ARMC9: variants seen among roughly 807,000 people sequenced by gnomAD.
The protein encoded by ARMC9 is lisH domain-containing protein ARMC9.
A neutral mutation model predicts 107.0 loss-of-function variants in ARMC9; 94 were observed. That is an observed-to-expected ratio of 0.88 (90% CI 0.74 to 1.04). The LOEUF (loss-of-function observed/expected upper bound fraction) is 1.04. Among genes scored for constraint, ARMC9 ranks in the 50% least tolerant of loss-of-function variants. The pLI, the probability that ARMC9 is intolerant of heterozygous loss-of-function variation, is 0.00. For synonymous variants in ARMC9, 380 were observed against 396.9 expected (o/e 0.96, Z 0.51); for missense variants, 942 against 1,030.1 (o/e 0.91, Z 1.17).
intron 19 of ARMC9, among the ~76,000 whole-genome samples, chr2:231,313,056 A>G (rs2042447823): frequency 6.6e-6 from 1 of 152,174 alleles, no homozygotes; most frequent in Non-Finnish European, 1.5e-5. Context: ...TCATTCTACC[A>G]GTTACTAAGA....
intron 19 of ARMC9, among the ~76,000 whole-genome samples, chr2:231,324,464 A>T (rs1248645742): frequency 6.6e-6 from 1 of 151,190 alleles, no homozygotes; most frequent in South Asian, 2.1e-4. Context: ...TAAAAAAAAA[A>T]AAAAAGGCCA....
rs13409406 is a variant in ARMC9 at position 231,277,451 on chromosome 2, A to G, written c.1474+676A>G. ...CTGGCTCAGGAGGACTTGTTGGAGC[A>G]TCTTCCCCTCTATATACTTTGTAGA... On this transcript the variant is annotated intron_variant, in intron 15 of 24. Coordinates refer to ENST00000611582, the MANE Select transcript of ARMC9 (RefSeq NM_001352754.2). 7.6e-3 allele frequency among the ~76,000 whole-genome samples: 1,159 copies of G among 152,140 alleles called. 20 individuals carry two copies. Among genetic ancestry groups the G allele is most frequent in the African/African-American group, 0.026 (1,097 of 41,490 alleles).
chr2:231,269,398 CTT>C (rs773618086), intron 12 of ARMC9, among the ~76,000 whole-genome samples: 6 of 112,398 alleles, frequency 5.3e-5, no homozygotes, highest in African/African-American at 1.2e-4. Flanking sequence ...TTTTCTTCTT[CTT>C]TTTTTTTTTT....
At chr2:231,338,656 C>T (rs550129440) in intron 20 of ARMC9, among the ~76,000 whole-genome samples, 32 of 151,290 alleles carry the variant, frequency 2.1e-4, no homozygotes, top group African/African-American at 7.1e-4. Context: ...CTTCCCACCT[C>T]AGCCCCCCAA....
intron 19 of ARMC9, among the ~76,000 whole-genome samples, chr2:231,306,229 T>C (rs2042028156): frequency 6.6e-6 from 1 of 152,194 alleles, no homozygotes; most frequent in Non-Finnish European, 1.5e-5. Context: ...GGGATTTTGA[T>C]TGGGACTACA....
chr2:231,216,577 G>C, intron 4 of ARMC9, 61 bp from the exon 5 acceptor site: 1 of 1,550,758 alleles, frequency 6.4e-7, no homozygotes, highest in Non-Finnish European at 8.8e-7. Context: ...AGAGGATGGG[G>C]TGAGCAGATA....
chr2:231,244,252 T>G (rs1350173782), intron 9 of ARMC9, among the ~76,000 whole-genome samples: 1 of 152,216 alleles, frequency 6.6e-6, no homozygotes, highest in African/African-American at 2.4e-5. Context: ...ATCGAGCCCT[T>G]CTTTCCCCCT....
intron 10 of ARMC9, among the ~76,000 whole-genome samples, 184 bp from the exon 11 acceptor site, chr2:231,258,807 C>T (rs564993822): frequency 6.6e-6 from 1 of 152,258 alleles, no homozygotes; most frequent in East Asian, 1.9e-4. Flanking sequence ...ATAGGCAGAG[C>T]TGAGCTGGTT....
At chr2:231,231,694 A>ATT (rs56732024) in intron 7 of ARMC9, among the ~76,000 whole-genome samples, 74 of 144,548 alleles carry the variant, frequency 5.1e-4, no homozygotes, top group African/African-American at 1.5e-3. Context: ...TGAAAAAAAA[A>ATT]TTTTTTTTTT....
At chr2:231,367,704 C>T (rs781713816) in intron 23 of ARMC9, among the ~76,000 whole-genome samples, 16 of 152,010 alleles carry the variant, frequency 1.1e-4, no homozygotes, top group Non-Finnish European at 1.6e-4. Context: ...GTTAACTGGC[C>T]GGGCGCGGTG....
chr2:231,279,962 T>G (rs2040080090), intron 16 of ARMC9, among the ~76,000 whole-genome samples: 1 of 152,370 alleles, frequency 6.6e-6, no homozygotes, highest in African/African-American at 2.4e-5. Context: ...TAGTGAGCTC[T>G]GAACTACTTC....
chr2:231,365,342 A>G (rs2045771232), intron 23 of ARMC9, among the ~76,000 whole-genome samples: 1 of 152,210 alleles, frequency 6.6e-6, no homozygotes, highest in Non-Finnish European at 1.5e-5. Flanking sequence ...ATCTCAGCGT[A>G]TCAATAGGAA....
At position 231,360,443 on chromosome 2, in the gene ARMC9, A is replaced by G. The variant is rs1271344090; in HGVS notation, c.2132-311A>G. ...GTCTGGGGGCGCCTAGCCATGGCCCAGGGAGACAATTTGTTGTTCTGAGGG... is the reference window on the plus strand; with the variant it reads ...GTCTGGGGGCGCCTAGCCATGGCCCGGGGAGACAATTTGTTGTTCTGAGGG... On this transcript the variant is annotated intron_variant, in intron 22 of 24. Transcript: ENST00000611582. The surrounding 1 kb of genome is among the most constrained non-coding windows in gnomAD (Gnocchi z 4.7). Among the ~76,000 whole-genome samples, 1 of 152,234 alleles carries G rather than the reference A, an allele frequency of 6.6e-6. No individual in the cohort carries two copies. Among genetic ancestry groups the G allele is most frequent in the Admixed American group, 6.5e-5 (1 of 15,292 alleles).
At position 231,262,416 on chromosome 2, in the gene ARMC9, C is replaced by T; in HGVS notation, c.1119+18C>T. On this transcript the variant is annotated intron_variant, in intron 12 of 24. Transcript: ENST00000611582. Reference sequence around the variant, plus strand: ...ACAACCAGGTTGGTAAGAGGTGGGGCCAGATCCCAGCCAGGGCCTTCAATT... The same window carrying T: ...ACAACCAGGTTGGTAAGAGGTGGGGTCAGATCCCAGCCAGGGCCTTCAATT... The T allele has an allele frequency of 6.3e-7, 1 of 1,599,174 alleles. No individual in the cohort carries two copies. The highest frequency in any genetic ancestry group is 1.7e-5 in the Admixed American group (1 of 60,002).
Position 231,371,815 on chromosome 2 carries a change from G to A in ARMC9, c.*280G>A, listed in dbSNP as rs2046030334. On this transcript the variant is annotated 3_prime_UTR_variant, in exon 25 of 25. Coordinates refer to ENST00000611582, the MANE Select transcript of ARMC9 (RefSeq NM_001352754.2). ...TCCTGCTCACCCTTCACACACAGAG[G>A]AGAGGGGTGGCTTTTGCCCGCAGGA... is the stretch of plus-strand genomic sequence containing the variant. 1 of 365,954 alleles carries A rather than the reference G, an allele frequency of 2.7e-6. No homozygotes were observed. Among genetic ancestry groups the A allele is most frequent in the East Asian group, 4.0e-5 (1 of 25,296 alleles). The allele number at this position is 365,954 out of a possible 1,614,324, so 22.7% of individuals were successfully genotyped here.
In ARMC9 at chr2:231,358,432, G is replaced by A. The variant is rs1050967430; in HGVS notation, c.2132-2322G>A. ...GCCCAGGCTGGTCTTGAACCCTTGG[G>A]CTCAAGCGATCCTCCCGCCTCGGCC... On this transcript the variant is annotated intron_variant, in intron 22 of 24. Coordinates refer to ENST00000611582, the MANE Select transcript of ARMC9 (RefSeq NM_001352754.2). This position sits in a 1 kb window ranked among gnomAD's most constrained non-coding sequence, Gnocchi z 4.5. Among the ~76,000 whole-genome samples, 8 of 152,006 alleles carry A rather than the reference G, an allele frequency of 5.3e-5. No individual in the cohort carries two copies. The highest frequency in any genetic ancestry group is 4.6e-4 in the Admixed American group (7 of 15,264).
In ARMC9 at chr2:231,300,724, A is replaced by G. The variant is rs1271450062; in HGVS notation, c.1773+4471A>G. ...GGTCCATGCTCCTAACCACTGCCCTATATTACCTTCTTGTGAGACATACAT... is the reference window on the plus strand; with the variant it reads ...GGTCCATGCTCCTAACCACTGCCCTGTATTACCTTCTTGTGAGACATACAT... On this transcript the variant is annotated intron_variant, in intron 19 of 24. Coordinates refer to ENST00000611582, the MANE Select transcript of ARMC9 (RefSeq NM_001352754.2). 5.9e-5 allele frequency among the ~76,000 whole-genome samples: 9 copies of G among 152,240 alleles called. No individual in the cohort carries two copies. In the East Asian group the frequency reaches 1.5e-3, roughly 26 times the overall value.
intron 23 of ARMC9, among the ~76,000 whole-genome samples, chr2:231,363,110 G>A (rs1042380008): frequency 6.6e-6 from 1 of 152,232 alleles, no homozygotes; most frequent in Admixed American, 6.5e-5. Context: ...GAGTGTGCAA[G>A]GAGTGCAGGG....
chr2:231,271,215 G>T, intron 13 of ARMC9, 143 bp downstream of exon 13: 1 of 786,830 alleles, frequency 1.3e-6, no homozygotes. Flanking sequence ...GGTCTTTTGT[G>T]AAAATTAATT....
Sources: gnomAD v4.1 joint callset for allele counts (sites outside exome capture counted in the v4.1 genomes callset) on GRCh38, gnomAD v4.1.1 for gene constraint, Gnocchi (gnomAD v3.1) non-coding constraint, MANE v1.5 for transcripts, NCBI Gene and HGNC (gene_info 2026-07-23, HGNC 2026-07-21) for gene names.